PDE4D: variants seen among roughly 807,000 people sequenced by gnomAD.
PDE4D encodes the protein 3',5'-cyclic-AMP phosphodiesterase 4D.
Under a neutral mutation model 87.4 loss-of-function variants are expected in PDE4D, and 24 were observed. The ratio of observed to expected loss-of-function variants is 0.27; its 90% CI spans 0.20 to 0.39. The LOEUF (loss-of-function observed/expected upper bound fraction) is 0.39, where lower values mean the gene tolerates loss of function less well. Among genes scored for constraint, PDE4D ranks in the 10% least tolerant of loss-of-function variants. PDE4D has a pLI of 1.00. For missense variants in PDE4D, 714 were observed against 1,041.0 expected, an observed-to-expected ratio of 0.69 and a Z score of 4.32; for synonymous variants, 384 against 383.2, an observed-to-expected ratio of 1.00 and a Z score of -0.02.
intron 1 of PDE4D, among the ~76,000 whole-genome samples, chr5:59,669,012 G>C (rs1746720219): frequency 6.6e-6 from 1 of 152,222 alleles, no homozygotes; most frequent in South Asian, 2.1e-4. Flanking sequence ...TTGGAGGACA[G>C]AATCACAAAC....
intron 1 of PDE4D, among the ~76,000 whole-genome samples, chr5:59,874,613 A>T (rs1027159841): frequency 1.3e-5 from 2 of 152,216 alleles, no homozygotes; most frequent in Admixed American, 6.5e-5. Flanking sequence ...ATACAAAGTA[A>T]TATTATATGT....
intron 1 of PDE4D, chr5:59,587,084 T>A: frequency 1.4e-6 from 1 of 710,250 alleles, no homozygotes; most frequent in Non-Finnish European, 1.7e-6. Context: ...TACCATTAAC[T>A]ACCATCATGA....
At chr5:59,666,469 A>G (rs1017695138) in intron 1 of PDE4D, among the ~76,000 whole-genome samples, 1 of 152,254 alleles carries the variant, frequency 6.6e-6, no homozygotes. Flanking sequence ...GGAATTCTAT[A>G]TAGTTCTTGA....
intron 1 of PDE4D, among the ~76,000 whole-genome samples, chr5:60,484,188 TA>T (rs34177181): frequency 0.023 from 3,092 of 136,478 alleles, 65 homozygotes; most frequent in African/African-American, 0.062. Context: ...AGACAGGAAT[TA>T]AAAAAAAAAA....
At chr5:60,305,949 A>C (rs1428435646) in intron 1 of PDE4D, among the ~76,000 whole-genome samples, 4 of 152,234 alleles carry the variant, frequency 2.6e-5, no homozygotes, top group South Asian at 2.1e-4. Context: ...TCCATAAAGC[A>C]TATGAGTAAA....
chr5:59,619,665 C>T (rs1255466058), intron 1 of PDE4D, among the ~76,000 whole-genome samples: 3 of 152,168 alleles, frequency 2.0e-5, no homozygotes, highest in African/African-American at 7.2e-5. Flanking sequence ...CCAAAGAAAA[C>T]TGACAAACTG....
intron 1 of PDE4D, among the ~76,000 whole-genome samples, chr5:59,304,629 CT>C (rs879882941): frequency 9.2e-5 from 14 of 152,070 alleles, no homozygotes; most frequent in Admixed American, 3.9e-4. Flanking sequence ...TTGTTGAATG[CT>C]TTTTCTGCAT....
Position 60,335,350 on chromosome 5 carries a change from T to C in PDE4D, c.-89-149663A>G, listed in dbSNP as rs560966380. Among the ~76,000 whole-genome samples the C allele has an allele frequency of 1.1e-4, 17 of 152,112 alleles. 1 individual carries two copies. Among genetic ancestry groups the C allele is most frequent in the African/African-American group, 4.1e-4 (17 of 41,480 alleles). Reference sequence around the variant, plus strand: ...TCAGAGAGTGAAAAATTACAAAGGGTTGGTCAACATTAAAGTTGATTAGAC... The same window carrying C: ...TCAGAGAGTGAAAAATTACAAAGGGCTGGTCAACATTAAAGTTGATTAGAC... On this transcript the variant is annotated intron_variant, in intron 1 of 16. Coordinates refer to the PDE4D transcript ENST00000502484.
intron 1 of PDE4D, among the ~76,000 whole-genome samples, chr5:59,776,861 GA>G (rs35590071): frequency 0.061 from 8,503 of 139,038 alleles, 779 homozygotes; most frequent in African/African-American, 0.2. Flanking sequence ...AATGTTTCAC[GA>G]AAAAAAAAAA....
chr5:59,879,237 C>T (rs573242179), intron 1 of PDE4D, among the ~76,000 whole-genome samples: 4 of 152,300 alleles, frequency 2.6e-5, no homozygotes, highest in Non-Finnish European at 2.9e-5. Context: ...AAACTATCCA[C>T]ATAATTTCCC....
At chr5:59,662,073 A>G (rs1002939577) in intron 1 of PDE4D, among the ~76,000 whole-genome samples, 2 of 152,154 alleles carry the variant, frequency 1.3e-5, no homozygotes, top group Non-Finnish European at 2.9e-5. Context: ...CAAAGGCTTT[A>G]AGAAGCATTA....
chr5:59,673,295 G>A (rs1414671795), intron 1 of PDE4D, among the ~76,000 whole-genome samples: 3 of 152,116 alleles, frequency 2.0e-5, no homozygotes, highest in African/African-American at 7.2e-5. Context: ...CATTCCTTAA[G>A]ACATAGCTCA....
chr5:59,911,278 A>G (rs572022063), intron 3 of PDE4D, among the ~76,000 whole-genome samples: 9 of 152,276 alleles, frequency 5.9e-5, no homozygotes, highest in African/African-American at 1.9e-4. Context: ...TGTAAAACCT[A>G]AGATTGGTGC....
At chr5:59,263,964 G>T (rs945474856) in intron 1 of PDE4D, among the ~76,000 whole-genome samples, 10 of 151,926 alleles carry the variant, frequency 6.6e-5, no homozygotes, top group Admixed American at 6.6e-4. Flanking sequence ...CATCCAAAAA[G>T]AGTTTTTCTG....
intron 1 of PDE4D, among the ~76,000 whole-genome samples, chr5:59,304,365 T>C (rs2153561866): frequency 6.6e-6 from 1 of 152,246 alleles, no homozygotes; most frequent in Middle Eastern, 3.4e-3. Flanking sequence ...ACTTCCTCTT[T>C]ACCGATTTGG....
intron 2 of PDE4D, among the ~76,000 whole-genome samples, chr5:60,130,537 C>T (rs1779474412): frequency 6.6e-6 from 1 of 152,162 alleles, no homozygotes; most frequent in East Asian, 1.9e-4. Context: ...CTTTTATTTG[C>T]TTTCCCATGA....
Position 59,070,001 on chromosome 5 carries a change from T to G in PDE4D, c.809-31030A>C, listed in dbSNP as rs78904734. Among the ~76,000 whole-genome samples, 1,113 of 152,248 alleles carry G rather than the reference T, an allele frequency of 7.3e-3. 14 individuals carry two copies. The highest frequency in any genetic ancestry group is 0.026 in the African/African-American group (1,064 of 41,548). On this transcript the variant is annotated intron_variant, in intron 5 of 14. Coordinates refer to ENST00000340635, the MANE Select transcript of PDE4D (RefSeq NM_001104631.2). ...AGAAGGTAGATCACTGTAAGAGATT[T>G]CTGAAGCAGAAGTACTAAGTCAGAA...
chr5:60,350,037 T>C (rs1759049963), intron 1 of PDE4D, among the ~76,000 whole-genome samples: 1 of 152,152 alleles, frequency 6.6e-6, no homozygotes, highest in South Asian at 2.1e-4. Context: ...TACAGAGTCA[T>C]TCATGGAGAT....
intron 2 of PDE4D, among the ~76,000 whole-genome samples, chr5:60,158,745 A>G (rs1026878966): frequency 2.0e-5 from 3 of 151,912 alleles, no homozygotes; most frequent in Non-Finnish European, 4.4e-5. Context: ...TTAAATATAT[A>G]TTTTTAGTAG....
Sources: allele counts gnomAD v4.1 joint callset (sites outside exome capture counted in the v4.1 genomes callset), GRCh38; gene constraint gnomAD v4.1.1; transcripts MANE v1.5; gene names NCBI Gene and HGNC (gene_info 2026-07-23, HGNC 2026-07-21).